The following ZNF385D variants were observed in gnomAD, a reference collection of about 807,000 sequenced individuals.
The protein encoded by ZNF385D is zinc finger protein 385D, also known as zinc finger protein 659.
A neutral mutation model predicts 35.8 loss-of-function variants in ZNF385D; 15 were observed. That is an observed-to-expected ratio of 0.42 (90% CI 0.28 to 0.64). The LOEUF is 0.64. Among genes scored for constraint, ZNF385D ranks in the 30% least tolerant of loss-of-function variants. ZNF385D has a pLI of 0.23. For missense variants in ZNF385D, 474 were observed against 494.6 expected (o/e 0.96, Z 0.39); for synonymous variants, 212 against 186.8 (o/e 1.13, Z -1.10).
intron 4 of ZNF385D, among the ~76,000 whole-genome samples, chr3:21,464,052 C>T (rs1400725147): frequency 6.6e-6 from 1 of 152,084 alleles, no homozygotes; most frequent in Non-Finnish European, 1.5e-5. Flanking sequence ...TTGGCTTAAC[C>T]AAAGGAAGCA....
chr3:21,756,004 T>A (rs540489452), upstream of ZNF385D, among the ~76,000 whole-genome samples: 5 of 152,330 alleles, frequency 3.3e-5, no homozygotes, highest in South Asian at 1.0e-3. Flanking sequence ...TCAGTAGAAC[T>A]TTTTAGGCCA....
At chr3:21,848,649 A>G (rs572771191) in intron 3 of ZNF385D, among the ~76,000 whole-genome samples, 1 of 152,174 alleles carries the variant, frequency 6.6e-6, no homozygotes, top group Admixed American at 6.5e-5. Flanking sequence ...AAATAAACAA[A>G]TTCCTAGGAA....
At chr3:22,180,145 AATACT>A (rs1241173354) in intron 2 of ZNF385D, among the ~76,000 whole-genome samples, 1 of 152,254 alleles carries the variant, frequency 6.6e-6, no homozygotes, top group Non-Finnish European at 1.5e-5. Context: ...ACCATCAGAG[AATACT>A]ATAAACACCT....
chr3:22,323,981 T>G (rs1036173862), intron 2 of ZNF385D, among the ~76,000 whole-genome samples: 1 of 152,170 alleles, frequency 6.6e-6, no homozygotes, highest in Non-Finnish European at 1.5e-5. Flanking sequence ...AATGAGCTCA[T>G]GGTCCAATAT....
At chr3:22,149,039 G>A (rs1705051737) in intron 3 of ZNF385D, among the ~76,000 whole-genome samples, 1 of 152,076 alleles carries the variant, frequency 6.6e-6, no homozygotes, top group South Asian at 2.1e-4. Flanking sequence ...GGGCTGGATG[G>A]ATGCTAATCA....
chr3:21,773,483 C>A (rs1189730739), intron 3 of ZNF385D, among the ~76,000 whole-genome samples: 1 of 151,724 alleles, frequency 6.6e-6, no homozygotes, highest in Non-Finnish European at 1.5e-5. Flanking sequence ...AAACAGACAA[C>A]CTAAAGAATC....
chr3:21,835,972 G>C (rs1377835379), intron 3 of ZNF385D, among the ~76,000 whole-genome samples: 1 of 151,916 alleles, frequency 6.6e-6, no homozygotes, highest in Non-Finnish European at 1.5e-5. Flanking sequence ...TTGAGGTGAG[G>C]AGTGAATAGT....
At chr3:21,430,613 T>A (rs562143684) in intron 5 of ZNF385D, among the ~76,000 whole-genome samples, 2 of 152,052 alleles carry the variant, frequency 1.3e-5, no homozygotes, top group East Asian at 1.9e-4. Context: ...ATATCAGACA[T>A]CCAGAAAGCT....
intron 3 of ZNF385D, among the ~76,000 whole-genome samples, chr3:22,098,769 T>G (rs1223956938): frequency 6.6e-6 from 1 of 151,944 alleles, no homozygotes; most frequent in Non-Finnish European, 1.5e-5. Context: ...TAAAGAAAAC[T>G]ATATTTTTAA....
chr3:22,212,568 C>G lies in ZNF385D; in HGVS notation c.107-43533G>C, dbSNP rs560992401. 9.2e-5 allele frequency among the ~76,000 whole-genome samples: 14 copies of G among 152,032 alleles called. No homozygotes were observed. The South Asian group carries it at 1.9e-3, about 20-fold the overall frequency. ...AAAATGTCAGGTTTTATTCCCTCAT[C>G]ATTAAACAAATCAAGCTTAATGTGT... On this transcript the variant is annotated intron_variant, in intron 2 of 5. Coordinates refer to the ZNF385D transcript ENST00000494108.
intron 1 of ZNF385D, among the ~76,000 whole-genome samples, chr3:21,697,216 T>C (rs2067501687): frequency 6.6e-6 from 1 of 152,112 alleles, no homozygotes; most frequent in South Asian, 2.1e-4. Context: ...CGAAAAAAGA[T>C]TTGAGTGCTT....
At chr3:21,755,429 C>G (rs1265592109), upstream of ZNF385D, among the ~76,000 whole-genome samples, 1 of 152,216 alleles carries the variant, frequency 6.6e-6, no homozygotes, top group Non-Finnish European at 1.5e-5. Context: ...GTCCTTCACA[C>G]TCTTCACTGT....
At chr3:21,912,516 AAACTGACATGCTTTG>A (rs1444604527) in intron 3 of ZNF385D, among the ~76,000 whole-genome samples, 3 of 152,056 alleles carry the variant, frequency 2.0e-5, no homozygotes, top group Non-Finnish European at 4.4e-5. Flanking sequence ...GAAGCTAAAT[AAACTGACATGCTTTG>A]AACCAGGCAT....
intron 7 of ZNF385D, among the ~76,000 whole-genome samples, chr3:21,423,665 C>A (rs1375207917): frequency 6.6e-6 from 1 of 152,132 alleles, no homozygotes; most frequent in African/African-American, 2.4e-5. Context: ...AGAATACCAA[C>A]AATACAAATA....
Position 22,351,340 on chromosome 3 carries a change from CTTATT to C in ZNF385D, c.106+21105_106+21109del, listed in dbSNP as rs201634712. Among the ~76,000 whole-genome samples the C allele has an allele frequency of 4.1e-4, 63 of 152,102 alleles. 1 individual carries two copies. In the East Asian group the frequency reaches 0.012, roughly 29 times the overall value. On this transcript the variant is annotated intron_variant, in intron 2 of 5. Coordinates refer to the ZNF385D transcript ENST00000494108. ...ACCTGTTTTTTCTCCTTAGACCATT[CTTATT>C]TAATTTAGAACTTTCTGAAAGATTC...
chr3:21,557,946 GT>G (rs2062799404), intron 3 of ZNF385D, among the ~76,000 whole-genome samples: 1 of 152,108 alleles, frequency 6.6e-6, no homozygotes, highest in South Asian at 2.1e-4. Context: ...GCATAGAGGT[GT>G]TTATAGTATT....
At chr3:22,125,177 T>C (rs1271161933) in intron 3 of ZNF385D, among the ~76,000 whole-genome samples, 4 of 152,162 alleles carry the variant, frequency 2.6e-5, no homozygotes, top group African/African-American at 7.2e-5. Context: ...AGACTATCCT[T>C]TTCCCAATGT....
chr3:21,456,680 A>G (rs1328027947), intron 4 of ZNF385D, among the ~76,000 whole-genome samples: 1 of 152,232 alleles, frequency 6.6e-6, no homozygotes, highest in Non-Finnish European at 1.5e-5. Context: ...TCACATGTAT[A>G]CATATGTAAC....
intron 2 of ZNF385D, among the ~76,000 whole-genome samples, chr3:22,267,556 G>A (rs557361560): frequency 1.3e-5 from 2 of 151,790 alleles, no homozygotes; most frequent in Non-Finnish European, 2.9e-5. Context: ...ATATTTCTCA[G>A]TAAGAAATAA....
Sources: gnomAD v4.1 joint callset for allele counts (sites outside exome capture counted in the v4.1 genomes callset) on GRCh38, gnomAD v4.1.1 for gene constraint, MANE v1.5 for transcripts, NCBI Gene and HGNC (gene_info 2026-07-23, HGNC 2026-07-21) for gene names.